HYDIN: variants seen among roughly 807,000 people sequenced by gnomAD.
HYDIN encodes the protein HYDIN axonemal central pair apparatus protein.
A neutral mutation model predicts 403.9 loss-of-function variants in HYDIN; 132 were observed. The observed-to-expected ratio is 0.33, with a 90% CI of 0.28 to 0.38. The LOEUF (loss-of-function observed/expected upper bound fraction) is 0.38, where lower values mean the gene tolerates loss of function less well. Among genes scored for constraint, HYDIN ranks in the 10% least tolerant of loss-of-function variants. The probability of loss-of-function intolerance (pLI) is 1.00; values close to 1 mark genes in which losing one functional copy is unlikely to be tolerated. For synonymous variants in HYDIN, 1,202 were observed against 1,891.7 expected (o/e 0.64, Z 9.46); for missense variants, 2,827 against 5,009.5 (o/e 0.56, Z 13.15).
chr16:70,936,711 T>C (rs534800595), intron 44 of HYDIN, among the ~76,000 whole-genome samples: 2,974 of 150,148 alleles, frequency 0.02, 60 homozygotes, highest in African/African-American at 0.067. Context: ...CTTGTATTTT[T>C]AGTAGAGACG....
At chr16:71,110,245 T>C (rs1051153173) in intron 10 of HYDIN, among the ~76,000 whole-genome samples, 8 of 145,836 alleles carry the variant, frequency 5.5e-5, no homozygotes, top group African/African-American at 1.7e-4. Context: ...TGTGTATATA[T>C]ATATTATATT....
Position 70,896,491 on chromosome 16 carries a change from T to C in HYDIN, c.9049-411A>G, listed in dbSNP as rs549873532. 4.6e-5 allele frequency among the ~76,000 whole-genome samples: 7 copies of C among 152,178 alleles called. No individual in the cohort carries two copies. The East Asian group carries it at 1.4e-3, about 30-fold the overall frequency. On this transcript the variant is annotated intron_variant, in intron 53 of 85. Coordinates refer to ENST00000393567, the MANE Select transcript of HYDIN (RefSeq NM_001270974.2). ...TCTCAGCCTCCCGAGTAGGTGGGAC[T>C]ACAGGAGTGCATCATCATGCTTGGC...
chr16:71,008,431 C>G (rs1204248841), intron 23 of HYDIN, among the ~76,000 whole-genome samples: 1 of 152,132 alleles, frequency 6.6e-6, no homozygotes, highest in Non-Finnish European at 1.5e-5. Context: ...TGATGCCTGG[C>G]ACATGGTGGG....
At chr16:71,224,483 C>T (rs865964510) in intron 1 of HYDIN, among the ~76,000 whole-genome samples, 5 of 150,842 alleles carry the variant, frequency 3.3e-5, no homozygotes, top group African/African-American at 1.2e-4. Flanking sequence ...GCAAATTGTT[C>T]TTTGCTCTGA....
intron 4 of HYDIN, among the ~76,000 whole-genome samples, chr16:71,178,504 T>A (rs2086776837): frequency 6.7e-6 from 1 of 149,420 alleles, no homozygotes; most frequent in African/African-American, 2.5e-5. Context: ...GACATACATA[T>A]ATATATGCTC....
chr16:70,936,535 T>C (rs2077497636), intron 44 of HYDIN, among the ~76,000 whole-genome samples: 1 of 94,670 alleles, frequency 1.1e-5, no homozygotes, highest in African/African-American at 2.6e-5. Context: ...GTTCAGAAAA[T>C]AAGAATTTTT....
intron 39 of HYDIN, among the ~76,000 whole-genome samples, 170 bp from the exon 40 acceptor site, chr16:70,955,718 G>C (rs1180971596): frequency 6.6e-6 from 1 of 152,130 alleles, no homozygotes; most frequent in Admixed American, 6.5e-5. Flanking sequence ...CCTCAGCCTG[G>C]AGTCAGGGCT....
intron 68 of HYDIN, 71 bp from the exon 69 acceptor site, chr16:70,862,326 C>A: frequency 1.1e-6 from 1 of 918,026 alleles, no homozygotes; most frequent in East Asian, 2.6e-5. Context: ...AGCCCACTTA[C>A]AGGTCCTTAG....
At chr16:71,119,621 TTGTGTG>T (rs2084178610) in intron 9 of HYDIN, among the ~76,000 whole-genome samples, 1 of 151,756 alleles carries the variant, frequency 6.6e-6, no homozygotes, top group Non-Finnish European at 1.5e-5. Flanking sequence ...ATTAAGACGG[TTGTGTG>T]TACCTGAAAA....
intron 47 of HYDIN, among the ~76,000 whole-genome samples, chr16:70,910,250 C>T (rs1188368623): frequency 1.3e-5 from 2 of 152,164 alleles, no homozygotes; most frequent in African/African-American, 4.8e-5. Context: ...CCACCCTTCC[C>T]CCCAAGTCCC....
intron 1 of HYDIN, among the ~76,000 whole-genome samples, chr16:71,207,623 G>A (rs1175694214): frequency 6.6e-6 from 1 of 152,174 alleles, no homozygotes; most frequent in Non-Finnish European, 1.5e-5. Flanking sequence ...AAGGCACAGA[G>A]TGGCAAGCTG....
In HYDIN at chr16:70,807,510, G is replaced by C; in HGVS notation, c.*70C>G. On this transcript the variant is annotated 3_prime_UTR_variant, in exon 86 of 86. Transcript: ENST00000393567. ...AAACAGTTCCTTTAGAATTCTTATT[G>C]TTTTCTCTATTCTTTTTCAGGCTAA... is the stretch of plus-strand genomic sequence containing the variant. The C allele has an allele frequency of 6.7e-7, 1 of 1,486,900 alleles. No individual in the cohort carries two copies. Among genetic ancestry groups the C allele is most frequent in the East Asian group, 2.3e-5 (1 of 43,908 alleles). The allele number at this position is 1,486,900 out of a possible 1,614,324, so 92.1% of individuals were successfully genotyped here. A position where few individuals can be genotyped will look rare whatever the true frequency, so the allele number is the denominator to read the frequency against.
rs1464626861 is a variant in HYDIN at position 71,083,810 on chromosome 16, C to T, written c.1671-3858G>A. On this transcript the variant is annotated intron_variant, in intron 12 of 85. Coordinates refer to ENST00000393567, the MANE Select transcript of HYDIN (RefSeq NM_001270974.2). ...CACCCTTTTGTCCAGTGTATCGATG[C>T]TGCATATGCTACCCGCTCTTTAGTC... is the stretch of plus-strand genomic sequence containing the variant. 4.8e-5 allele frequency among the ~76,000 whole-genome samples: 7 copies of T among 145,912 alleles called. No individual in the cohort carries two copies. The East Asian group carries it at 8.2e-4, about 17-fold the overall frequency.
rs768284979 is a variant in HYDIN, at chr16:70,850,465, T to C, written c.12634A>G (p.Ile4212Val). Residue 4212 changes from isoleucine (I) to valine (V), a missense_variant, in exon 74 of 86, where the codon ATC becomes GTC. By Grantham distance (29) the Ile-to-Val change is conservative (BLOSUM62 3). Coordinates refer to ENST00000393567, the MANE Select transcript of HYDIN (RefSeq NM_001270974.2). ...ACCTTTACCTCATAGAAGTTGATGATGTTAGTCTGGTTGGGAGTCAACAGA... is the reference window on the plus strand; with the variant it reads ...ACCTTTACCTCATAGAAGTTGATGACGTTAGTCTGGTTGGGAGTCAACAGA... The part of the protein sequence containing the change: ...ITLLTPNQTN[I>V]INFYEVELNE... The C allele has an allele frequency of 4.3e-5, 67 of 1,550,728 alleles. No individual in the cohort carries two copies. Among genetic ancestry groups the C allele is most frequent in the Non-Finnish European group, 5.5e-5 (62 of 1,132,832 alleles).
chr16:70,953,745 AC>A (rs1246360735), intron 40 of HYDIN, among the ~76,000 whole-genome samples: 9 of 149,392 alleles, frequency 6.0e-5, no homozygotes, highest in African/African-American at 2.0e-4. Flanking sequence ...ACTCAAATTC[AC>A]CCTTAGGCAC....
At chr16:71,185,387 T>C (rs1452724737) in intron 2 of HYDIN, among the ~76,000 whole-genome samples, 1 of 152,206 alleles carries the variant, frequency 6.6e-6, no homozygotes, top group Non-Finnish European at 1.5e-5. Flanking sequence ...GAGTTTGAAA[T>C]ACCTCTATTT....
intron 1 of HYDIN, among the ~76,000 whole-genome samples, chr16:71,215,097 A>G (rs1027116782): frequency 1.3e-5 from 2 of 152,168 alleles, no homozygotes; most frequent in Non-Finnish European, 2.9e-5. Context: ...TCATCAATCA[A>G]ATAACATAGA....
In HYDIN at chr16:70,860,352, T is replaced by G. The variant is rs1260358857; in HGVS notation, c.11991-146A>C. On this transcript the variant is annotated intron_variant, in intron 70 of 85. Transcript: ENST00000393567. ...ACTTTGTTACTGTGGAAATAAAAAC[T>G]CCATCTCCTCTAGCGATCCACAGTC... 12 of 737,890 alleles carry G rather than the reference T, an allele frequency of 1.6e-5. No individual in the cohort carries two copies. The East Asian group carries it at 2.9e-4, about 18-fold the overall frequency. The allele number at this position is 737,890 out of a possible 1,614,324, so 45.7% of individuals were successfully genotyped here.
At chr16:71,227,096 G>T (rs538282378) in intron 1 of HYDIN, among the ~76,000 whole-genome samples, 29 of 151,558 alleles carry the variant, frequency 1.9e-4, no homozygotes, top group African/African-American at 6.5e-4. Context: ...GAAATTATTC[G>T]CAAATTAAAT....
Sources: allele counts gnomAD v4.1 joint callset (sites outside exome capture counted in the v4.1 genomes callset), GRCh38; gene constraint gnomAD v4.1.1; transcripts MANE v1.5; gene names NCBI Gene and HGNC (gene_info 2026-07-23, HGNC 2026-07-21).